The following SLC47A1 variants were observed in gnomAD, a reference collection of about 807,000 sequenced individuals.
The protein encoded by SLC47A1 is multidrug and toxin extrusion protein 1.
A neutral mutation model predicts 65.8 loss-of-function variants in SLC47A1; 58 were observed. The ratio of observed to expected loss-of-function variants is 0.88; its 90% CI spans 0.71 to 1.10. SLC47A1 has a LOEUF of 1.10. SLC47A1 is among the 50% of genes least tolerant of loss of function. The pLI, the probability that SLC47A1 is intolerant of heterozygous loss-of-function variation, is 0.00. For missense variants in SLC47A1, 706 were observed against 719.2 expected (o/e 0.98, Z 0.21); for synonymous variants, 285 against 295.0 (o/e 0.97, Z 0.35).
intron 16 of SLC47A1, among the ~76,000 whole-genome samples, chr17:19,574,833 A>G (rs1297624243): frequency 6.6e-6 from 1 of 151,986 alleles, no homozygotes; most frequent in African/African-American, 2.4e-5. Context: ...ACGGGATTTC[A>G]CCATGTTGGC....
chr17:19,577,042 C>T (rs1014747288), intron 16 of SLC47A1, among the ~76,000 whole-genome samples: 7 of 152,154 alleles, frequency 4.6e-5, no homozygotes, highest in Non-Finnish European at 8.8e-5. Flanking sequence ...CCACCGCGCC[C>T]GGCTTCCCTG....
chr17:19,546,438 A>G lies in SLC47A1; in HGVS notation c.241A>G (p.Ile81Val). ...TTATCTTTGGGTTTATTTGCAGGTT[A>G]TCAATGTCACTGGTGTCTCAGTGGG... ...LDAVTLAIAV[I>V]NVTGVSVGFG... is the part of the protein sequence containing the mutation. The change falls in exon 3 of 17, where the codon ATC becomes GTC. Residue 81 changes from isoleucine (I) to valine (V), a missense_variant. Transcript: ENST00000270570. 6.2e-7 allele frequency: 1 copy of G among 1,613,732 alleles called. No homozygotes were observed. The highest frequency in any genetic ancestry group is 8.5e-7 in the Non-Finnish European group (1 of 1,179,932).
chr17:19,548,542 C>T (rs1440978312), intron 4 of SLC47A1, among the ~76,000 whole-genome samples: 1 of 149,574 alleles, frequency 6.7e-6, no homozygotes, highest in Non-Finnish European at 1.5e-5. Flanking sequence ...CTCCGTCCCC[C>T]AGACTGGAAT....
chr17:19,546,431 G>A lies in SLC47A1; in HGVS notation c.238-4G>A. On this transcript the variant is annotated splice_polypyrimidine_tract_variant and splice_region_variant and intron_variant, in intron 2 of 16. Transcript: ENST00000270570. ...TAGGGCCTTATCTTTGGGTTTATTT[G>A]CAGGTTATCAATGTCACTGGTGTCT... The A allele has an allele frequency of 1.2e-6, 2 of 1,613,564 alleles. No individual in the cohort carries two copies. The highest frequency in any genetic ancestry group is 1.7e-6 in the Non-Finnish European group (2 of 1,179,884).
At chr17:19,572,315 A>G (rs1456552902) in intron 15 of SLC47A1, among the ~76,000 whole-genome samples, 2 of 151,834 alleles carry the variant, frequency 1.3e-5, no homozygotes, top group Non-Finnish European at 2.9e-5. Flanking sequence ...TTCTTAAGAG[A>G]CAGGCTCTCA....
chr17:19,570,525 T>C (rs2084391439), intron 14 of SLC47A1, among the ~76,000 whole-genome samples: 2 of 152,202 alleles, frequency 1.3e-5, no homozygotes, highest in Non-Finnish European at 2.9e-5. Flanking sequence ...TGGTTGGTCC[T>C]AAGTTGGAAG....
In SLC47A1 at chr17:19,577,613, C is replaced by T; in HGVS notation, c.*60C>T. On this transcript the variant is annotated 3_prime_UTR_variant, in exon 17 of 17. Transcript: ENST00000270570. ...TTTGAGCTTACACACAATTCACAGG[C>T]CCACCAGTGACAATTTACTGTGAGT... is the stretch of plus-strand genomic sequence containing the variant. 1 of 1,600,298 alleles carries T rather than the reference C, an allele frequency of 6.2e-7. No individual in the cohort carries two copies.
intron 12 of SLC47A1, among the ~76,000 whole-genome samples, chr17:19,563,090 G>T (rs1169388654): frequency 6.8e-6 from 1 of 147,274 alleles, no homozygotes; most frequent in Non-Finnish European, 1.5e-5. Context: ...AAGATAGAAG[G>T]TCTAAATAAC....
intron 1 of SLC47A1, among the ~76,000 whole-genome samples, chr17:19,540,143 A>G (rs1916100724): frequency 6.6e-6 from 1 of 152,184 alleles, no homozygotes; most frequent in Non-Finnish European, 1.5e-5. Flanking sequence ...ACATCTAATG[A>G]TTCCCTTGGA....
At position 19,533,967 on chromosome 17, in the gene SLC47A1, G is replaced by C. The variant is rs555657341; in HGVS notation, c.28G>C (p.Val10Leu). 2.3e-5 allele frequency: 35 copies of C among 1,536,210 alleles called. No individual in the cohort carries two copies. The highest frequency in any genetic ancestry group is 2.8e-5 in the African/African-American group (2 of 71,526). Reference protein sequence around the residue: MEAPEEPAPVRGGPEATLEV... With the variant: MEAPEEPAPLRGGPEATLEV... ...GGAAGCTCCTGAGGAGCCCGCGCCA[G>C]TGCGCGGAGGCCCGGAGGCCACCCT... is the stretch of plus-strand genomic sequence containing the variant. The change falls in exon 1 of 17, where the codon GTG becomes CTG. Residue 10 changes from valine to leucine, a missense_variant. Val to Leu is a conservative substitution (Grantham distance 32). Transcript: ENST00000270570.
intron 2 of SLC47A1, among the ~76,000 whole-genome samples, chr17:19,544,550 G>T (rs187554785): frequency 9.9e-5 from 15 of 152,268 alleles, no homozygotes; most frequent in African/African-American, 3.6e-4. Flanking sequence ...GGTTTGGGGG[G>T]CACTGCTCTA....
chr17:19,555,920 G>T lies in SLC47A1; in HGVS notation c.853+11G>T, dbSNP rs1916593837. On this transcript the variant is annotated intron_variant, in intron 9 of 16. Transcript: ENST00000270570. Reference sequence around the variant, plus strand: ...GGAGCTTCCTCAGTGGTCTGTATGAGGATGGATGACGGGGACTGGTGGGAA... The same window carrying T: ...GGAGCTTCCTCAGTGGTCTGTATGATGATGGATGACGGGGACTGGTGGGAA... 6.2e-7 allele frequency: 1 copy of T among 1,613,998 alleles called. No homozygotes were observed. The highest frequency in any genetic ancestry group is 8.5e-7 in the Non-Finnish European group (1 of 1,180,018).
chr17:19,569,618 C>G (rs756231938), intron 14 of SLC47A1, among the ~76,000 whole-genome samples: 1 of 152,188 alleles, frequency 6.6e-6, no homozygotes, highest in Non-Finnish European at 1.5e-5. Flanking sequence ...TCAGAAGCAA[C>G]CTCAGGAAAT....
At chr17:19,545,297 T>C (rs1292208969) in intron 2 of SLC47A1, among the ~76,000 whole-genome samples, 2 of 151,906 alleles carry the variant, frequency 1.3e-5, no homozygotes, top group African/African-American at 2.4e-5. Context: ...CGGGTTCAAG[T>C]GATTCTCCTG....
chr17:19,555,098 C>A, intron 6 of SLC47A1, 114 bp from the exon 7 acceptor site: 1 of 897,542 alleles, frequency 1.1e-6, no homozygotes. Context: ...AGCCCCCCAG[C>A]TATGCCTGTG....
intron 2 of SLC47A1, among the ~76,000 whole-genome samples, chr17:19,545,755 G>C (rs999680175): frequency 6.6e-6 from 1 of 152,128 alleles, no homozygotes; most frequent in Non-Finnish European, 1.5e-5. Context: ...TTCCCAAAGT[G>C]CTGGGATTAC....
At chr17:19,571,395 A>C in intron 14 of SLC47A1, 83 bp from the exon 15 acceptor site, 2 of 1,190,858 alleles carry the variant, frequency 1.7e-6, no homozygotes. Flanking sequence ...TATGGCTGAC[A>C]GAAGTGATAT....
chr17:19,565,416 C>G (rs2152316328), intron 12 of SLC47A1, among the ~76,000 whole-genome samples: 1 of 152,104 alleles, frequency 6.6e-6, no homozygotes, highest in Non-Finnish European at 1.5e-5. Flanking sequence ...TGCCACTGTG[C>G]CCAGCCAAAC....
At chr17:19,551,525 G>A (rs568474180) in intron 6 of SLC47A1, 57 bp downstream of exon 6, 1 of 1,506,510 alleles carries the variant, frequency 6.6e-7, no homozygotes, top group Admixed American at 1.7e-5. Context: ...ACCTTTCTGG[G>A]AATGGGGGCC....
Sources: gnomAD v4.1 joint callset for allele counts (sites outside exome capture counted in the v4.1 genomes callset) on GRCh38, gnomAD v4.1.1 for gene constraint, MANE v1.5 for transcripts, NCBI Gene and HGNC (gene_info 2026-07-23, HGNC 2026-07-21) for gene names.